Variants in RARB observed in about 807,000 individuals in gnomAD.
RARB encodes retinoic acid receptor beta, also known as HBV-activated protein.
In RARB, 17 loss-of-function variants were observed where a neutral mutation model predicts 51.9. The observed-to-expected ratio is 0.33, with a 90% confidence interval of 0.22 to 0.49. The LOEUF is 0.49. Ranked by LOEUF, RARB falls within the 20% of genes least tolerant of loss-of-function variation. The pLI, the probability that RARB is intolerant of heterozygous loss-of-function variation, is 0.99. For synonymous variants in RARB, 215 were observed against 195.4 expected (o/e 1.10, Z -0.84); for missense variants, 369 against 550.8 (o/e 0.67, Z 3.30).
intron 5 of RARB, among the ~76,000 whole-genome samples, chr3:25,409,763 T>C (rs2364117): frequency 0.62 from 94,774 of 152,052 alleles, 29,838 homozygotes; most frequent in East Asian, 0.81. Flanking sequence ...TGAGCAACTC[T>C]CCACATTTCC....
intron 3 of RARB, among the ~76,000 whole-genome samples, chr3:25,123,885 C>A (rs772642174): frequency 1.3e-5 from 2 of 152,158 alleles, no homozygotes. Flanking sequence ...TTCTCCAGAA[C>A]TTTCTAAAAA....
chr3:25,222,835 A>C (rs1701976215), intron 5 of RARB, among the ~76,000 whole-genome samples: 2 of 152,168 alleles, frequency 1.3e-5, no homozygotes, highest in African/African-American at 4.8e-5. Flanking sequence ...AAGGATCTTA[A>C]AATATTGTCT....
chr3:25,355,409 A>G (rs2125460031), intron 5 of RARB, among the ~76,000 whole-genome samples: 1 of 152,170 alleles, frequency 6.6e-6, no homozygotes, highest in Non-Finnish European at 1.5e-5. Flanking sequence ...AATCTGATGG[A>G]ATCCTTGTAT....
chr3:25,015,613 T>G (rs1315867400), intron 2 of RARB, among the ~76,000 whole-genome samples: 1 of 152,264 alleles, frequency 6.6e-6, no homozygotes, highest in Admixed American at 6.5e-5. Flanking sequence ...GCCAATGAAA[T>G]GAGCCTGGTT....
chr3:24,906,310 T>A (rs1479200951), intron 2 of RARB, among the ~76,000 whole-genome samples: 2 of 152,096 alleles, frequency 1.3e-5, no homozygotes, highest in Non-Finnish European at 2.9e-5. Context: ...AATGGATGGA[T>A]CTTAGTGTTT....
intron 2 of RARB, among the ~76,000 whole-genome samples, chr3:24,893,683 G>A (rs1480799313): frequency 7.3e-6 from 1 of 136,460 alleles, no homozygotes; most frequent in East Asian, 2.4e-4. Flanking sequence ...ATGCCTCACT[G>A]ATTTTTTTTT....
At chr3:25,183,342 C>A (rs1279938696) in intron 5 of RARB, among the ~76,000 whole-genome samples, 1 of 152,110 alleles carries the variant, frequency 6.6e-6, no homozygotes, top group African/African-American at 2.4e-5. Context: ...TTATAATTCA[C>A]AATGTTCACA....
rs368767604 is a variant in RARB at position 24,903,813 on chromosome 3, T to A, written c.-380+45061T>A. On this transcript the variant is annotated intron_variant, in intron 2 of 11. Coordinates refer to the RARB transcript ENST00000383772. ...TGAGAAGACTGAAATATGTTCTCTA[T>A]ACATTTTTAAAAGAATCTTAAGGAT... is the stretch of plus-strand genomic sequence containing the variant. 7.2e-5 allele frequency among the ~76,000 whole-genome samples: 11 copies of A among 152,334 alleles called. No homozygotes were observed. In the South Asian group the frequency reaches 2.3e-3, roughly 32 times the overall value.
chr3:24,978,957 G>T (rs1696579639), intron 2 of RARB, among the ~76,000 whole-genome samples: 1 of 152,048 alleles, frequency 6.6e-6, no homozygotes, highest in African/African-American at 2.4e-5. Context: ...TTGTGTCTTT[G>T]TTCTCATTGG....
At chr3:25,024,111 G>A (rs1697694762) in intron 2 of RARB, among the ~76,000 whole-genome samples, 1 of 152,126 alleles carries the variant, frequency 6.6e-6, no homozygotes, top group Admixed American at 6.6e-5. Flanking sequence ...TCTCCAATGA[G>A]CCTTCCATCA....
intron 5 of RARB, among the ~76,000 whole-genome samples, chr3:25,358,109 T>A (rs1705808144): frequency 6.6e-6 from 1 of 152,226 alleles, no homozygotes; most frequent in Non-Finnish European, 1.5e-5. Context: ...TTCCTATCCA[T>A]GAGCATGGAG....
chr3:25,228,225 T>TG (rs55988825), intron 5 of RARB, among the ~76,000 whole-genome samples: 5,744 of 126,660 alleles, frequency 0.045, 131 homozygotes, highest in Middle Eastern at 0.053. Context: ...GGGTTTTTTT[T>TG]TTTTTTTTTT....
intron 4 of RARB, among the ~76,000 whole-genome samples, chr3:25,155,646 C>CACTAG (rs1700361598): frequency 2.0e-5 from 3 of 152,216 alleles, no homozygotes; most frequent in Non-Finnish European, 4.4e-5. Flanking sequence ...GGGACCCACA[C>CACTAG]ACTTTTTTTC....
At chr3:25,250,545 A>C (rs1702686907) in intron 5 of RARB, among the ~76,000 whole-genome samples, 1 of 152,066 alleles carries the variant, frequency 6.6e-6, no homozygotes, top group South Asian at 2.1e-4. Flanking sequence ...TGTCCCCACT[A>C]CTGGGGATTG....
rs1442838732 is a variant in RARB, at chr3:24,946,414, G to C, written c.-380+87662G>C. Among the ~76,000 whole-genome samples the C allele has an allele frequency of 1.4e-5, 2 of 138,226 alleles. 1 individual carries two copies. Among genetic ancestry groups the C allele is most frequent in the Non-Finnish European group, 3.3e-5 (2 of 60,174 alleles). The allele number at this position is 138,226 out of a possible 152,430, so 90.7% of individuals were successfully genotyped here. A position where few individuals can be genotyped will look rare whatever the true frequency, so the allele number is the denominator to read the frequency against. ...AATTCATTGCCTTTAGAAATTAGAA[G>C]GTGGTGGGAAGTTGGAGACAGCATT... On this transcript the variant is annotated intron_variant, in intron 2 of 11. Coordinates refer to the RARB transcript ENST00000383772.
At chr3:25,482,938 A>C (rs2125583587) in intron 2 of RARB, among the ~76,000 whole-genome samples, 1 of 152,280 alleles carries the variant, frequency 6.6e-6, no homozygotes, top group South Asian at 2.1e-4. Context: ...TTAATATAAA[A>C]CTATTGAAAT....
intron 4 of RARB, among the ~76,000 whole-genome samples, chr3:25,163,845 G>A (rs1001169034): frequency 1.3e-5 from 2 of 152,150 alleles, no homozygotes; most frequent in African/African-American, 4.8e-5. Flanking sequence ...TTTGACCTTA[G>A]GAGGTAAAGG....
intron 1 of RARB, 41 bp downstream of exon 1, chr3:25,428,929 A>T (rs761745119): frequency 5.2e-5 from 81 of 1,567,706 alleles, no homozygotes; most frequent in Non-Finnish European, 7.0e-5. Context: ...AGAAAAAAAA[A>T]ATTGTCTCTC....
At chr3:25,510,488 T>C (rs1273915451) in intron 3 of RARB, among the ~76,000 whole-genome samples, 3 of 151,904 alleles carry the variant, frequency 2.0e-5, no homozygotes, top group Non-Finnish European at 4.4e-5. Flanking sequence ...TAGCCGGGCA[T>C]GGTGGTGAGC....
Sources: gnomAD v4.1 joint callset for allele counts (sites outside exome capture counted in the v4.1 genomes callset) on GRCh38, gnomAD v4.1.1 for gene constraint, MANE v1.5 for transcripts, NCBI Gene and HGNC (gene_info 2026-07-23, HGNC 2026-07-21) for gene names.